PLA2G12B: variants seen among roughly 807,000 people sequenced by gnomAD.
The protein encoded by PLA2G12B is phospholipase A2 group XIIB.
Under a neutral mutation model 22.3 loss-of-function variants are expected in PLA2G12B, and 19 were observed. The ratio of observed to expected loss-of-function variants is 0.85; its 90% CI spans 0.60 to 1.25. PLA2G12B has a LOEUF of 1.25. PLA2G12B is among the 50% of genes most tolerant of loss of function. The pLI, the probability that PLA2G12B is intolerant of heterozygous loss-of-function variation, is 0.00. For missense variants in PLA2G12B, 191 were observed against 246.6 expected, an observed-to-expected ratio of 0.77 and a Z score of 1.51; for synonymous variants, 81 against 94.9, an observed-to-expected ratio of 0.85 and a Z score of 0.85.
At chr10:72,942,011 C>T (rs1003443850) in intron 2 of PLA2G12B, among the ~76,000 whole-genome samples, 10 of 152,044 alleles carry the variant, frequency 6.6e-5, no homozygotes, top group Non-Finnish European at 2.9e-5. Flanking sequence ...TGTCTGGGTA[C>T]GGTGGCTCAC....
intron 1 of PLA2G12B, among the ~76,000 whole-genome samples, chr10:72,950,433 A>T (rs761442519): frequency 6.6e-6 from 1 of 152,228 alleles, no homozygotes; most frequent in Non-Finnish European, 1.5e-5. Context: ...AAAACTTCAG[A>T]TAAAAATTCT....
chr10:72,935,690 A>G lies in PLA2G12B; in HGVS notation c.515T>C (p.Leu172Ser), dbSNP rs779083671. The G allele has an allele frequency of 6.2e-7, 1 of 1,614,212 alleles. No homozygotes were observed. Among genetic ancestry groups the G allele is most frequent in the East Asian group, 2.2e-5 (1 of 44,892 alleles). The part of the protein sequence containing the change: ...VDTVFNTVWT[L>S]GCRPFMNSQR... ...ACTATTCATAAAGGGGCGGCAGCCCAAGGTCCACACGGTGTTGAACACAGT... is the reference window on the plus strand; with the variant it reads ...ACTATTCATAAAGGGGCGGCAGCCCGAGGTCCACACGGTGTTGAACACAGT... The change falls in exon 4 of 4, where the codon TTG becomes TCG. Residue 172 changes from leucine to serine, a missense_variant. Coordinates refer to ENST00000373032, the MANE Select transcript of PLA2G12B (RefSeq NM_032562.5).
At chr10:72,949,072 G>A (rs1374145136) in intron 1 of PLA2G12B, among the ~76,000 whole-genome samples, 3 of 152,124 alleles carry the variant, frequency 2.0e-5, no homozygotes, top group Non-Finnish European at 4.4e-5. Context: ...TTCCCCCAAA[G>A]GTGCTAGGAG....
intron 3 of PLA2G12B, 29 bp downstream of exon 3, chr10:72,941,140 T>C: frequency 6.2e-7 from 1 of 1,606,332 alleles, no homozygotes; most frequent in Non-Finnish European, 8.5e-7. Context: ...AACCTCCCTG[T>C]GCACTGTACG....
intron 2 of PLA2G12B, 47 bp downstream of exon 2, chr10:72,942,605 C>A: frequency 1.4e-6 from 2 of 1,445,156 alleles, no homozygotes; most frequent in South Asian, 1.3e-5. Flanking sequence ...TAGGATTGCT[C>A]TCAGTCAAAA....
In PLA2G12B at chr10:72,941,352, A is replaced by G. The variant is rs1383238109; in HGVS notation, c.301-18T>C. 7 of 1,607,876 alleles carry G rather than the reference A, an allele frequency of 4.4e-6. No individual in the cohort carries two copies. The highest frequency in any genetic ancestry group is 6.0e-6 in the Non-Finnish European group (7 of 1,174,916). On this transcript the variant is annotated intron_variant, in intron 2 of 3. Coordinates refer to ENST00000373032, the MANE Select transcript of PLA2G12B (RefSeq NM_032562.5). ...AAGTCCATCTGGGGAAAAGTGAAGG[A>G]AGGGAAAAGAAGGGGAAGAAATGCC...
At chr10:72,940,907 A>G (rs938519482) in intron 3 of PLA2G12B, among the ~76,000 whole-genome samples, 1 of 152,050 alleles carries the variant, frequency 6.6e-6, no homozygotes, top group African/African-American at 2.4e-5. Flanking sequence ...TAAATGATAG[A>G]TTTTTATTTT....
At chr10:72,953,391 T>C (rs2132983929) in intron 1 of PLA2G12B, among the ~76,000 whole-genome samples, 1 of 152,340 alleles carries the variant, frequency 6.6e-6, no homozygotes, top group Non-Finnish European at 1.5e-5. Flanking sequence ...CCGGGAAGTA[T>C]GTAGTTTTTT....
Position 72,935,641 on chromosome 10 carries a change from T to G in PLA2G12B, c.564A>C (p.Ala188=). The change falls in exon 4 of 4, where the codon GCA becomes GCC. Residue 188 remains alanine (A), a synonymous_variant. Coordinates refer to ENST00000373032, the MANE Select transcript of PLA2G12B (RefSeq NM_032562.5). ...MNSQRAACIC[A]EEEKEEL is the part of the protein sequence containing the mutation. ...CTCATAACTCTTCCTTCTCCTCCTC[T>G]GCACAGATGCAAGCTGCCCGCTGAC... The G allele has an allele frequency of 1.9e-6, 3 of 1,614,190 alleles. No homozygotes were observed. In the African/African-American group the frequency reaches 4.0e-5, roughly 22 times the overall value.
At chr10:72,949,456 C>A (rs1486727860) in intron 1 of PLA2G12B, among the ~76,000 whole-genome samples, 1 of 151,998 alleles carries the variant, frequency 6.6e-6, no homozygotes, top group Non-Finnish European at 1.5e-5. Flanking sequence ...TCTTTTAGAT[C>A]TTTTGCCTAT....
chr10:72,938,432 A>G (rs1053127729), intron 3 of PLA2G12B, among the ~76,000 whole-genome samples: 4 of 152,148 alleles, frequency 2.6e-5, no homozygotes, highest in Non-Finnish European at 5.9e-5. Flanking sequence ...TATACAAAAA[A>G]GCCTATGGAA....
intron 1 of PLA2G12B, among the ~76,000 whole-genome samples, chr10:72,946,469 A>G (rs1228802434): frequency 6.6e-6 from 1 of 151,158 alleles, no homozygotes; most frequent in East Asian, 1.9e-4. Context: ...CCATAAGAAT[A>G]GGATTGCTGG....
chr10:72,952,630 T>C (rs1431673211), intron 1 of PLA2G12B, among the ~76,000 whole-genome samples: 1 of 152,212 alleles, frequency 6.6e-6, no homozygotes, highest in Non-Finnish European at 1.5e-5. Flanking sequence ...CACAATCAGT[T>C]TGAGAAGGTA....
chr10:72,943,613 G>A (rs920201283), intron 1 of PLA2G12B, among the ~76,000 whole-genome samples: 1 of 152,160 alleles, frequency 6.6e-6, no homozygotes, highest in Non-Finnish European at 1.5e-5. Flanking sequence ...TGTTTTTTAA[G>A]ATCTTTCAAA....
In PLA2G12B at chr10:72,950,937, G is replaced by A. The variant is rs116481744; in HGVS notation, c.211+3538C>T. 3.8e-3 allele frequency among the ~76,000 whole-genome samples: 580 copies of A among 152,234 alleles called. 6 individuals carry two copies. The highest frequency in any genetic ancestry group is 0.013 in the African/African-American group (539 of 41,548). ...ATAACTCTTCAGTCGTTGTTCCCTC[G>A]AGGGACTTCTTCCGGAAGCTGAGAG... On this transcript the variant is annotated intron_variant, in intron 1 of 3. Coordinates refer to ENST00000373032, the MANE Select transcript of PLA2G12B (RefSeq NM_032562.5).
intron 3 of PLA2G12B, among the ~76,000 whole-genome samples, chr10:72,939,639 A>T (rs569249154): frequency 1.3e-5 from 2 of 152,320 alleles, no homozygotes; most frequent in South Asian, 2.1e-4. Context: ...GTGTGGATTC[A>T]TCTCACAGAA....
chr10:72,947,226 CT>C (rs1207348787), intron 1 of PLA2G12B, among the ~76,000 whole-genome samples: 6 of 150,946 alleles, frequency 4.0e-5, no homozygotes, highest in Non-Finnish European at 7.4e-5. Context: ...TGCCCTGCTT[CT>C]TTTCATTTTC....
rs565294591 is a variant in PLA2G12B at position 72,943,029 on chromosome 10, G to A, written c.212-289C>T. Among the ~76,000 whole-genome samples, 11 of 150,958 alleles carry A rather than the reference G, an allele frequency of 7.3e-5. 1 individual carries two copies. In the South Asian group the frequency reaches 2.3e-3, roughly 32 times the overall value. On this transcript the variant is annotated intron_variant, in intron 1 of 3. Coordinates refer to ENST00000373032, the MANE Select transcript of PLA2G12B (RefSeq NM_032562.5). ...TGCCCAGGCTGGAGTGCAGTGGTGT[G>A]ATCTTGGCTCACTGCAACCTCCACC...
intron 3 of PLA2G12B, among the ~76,000 whole-genome samples, chr10:72,938,974 T>G (rs1846319122): frequency 6.6e-6 from 1 of 152,226 alleles, no homozygotes; most frequent in Non-Finnish European, 1.5e-5. Flanking sequence ...GGAATAGAAT[T>G]GCGCATCTAG....
Sources: gnomAD v4.1 joint callset for allele counts (sites outside exome capture counted in the v4.1 genomes callset) on GRCh38, gnomAD v4.1.1 for gene constraint, MANE v1.5 for transcripts, NCBI Gene and HGNC (gene_info 2026-07-23, HGNC 2026-07-21) for gene names.